The following AGPAT4 variants were observed in gnomAD, a reference collection of about 807,000 sequenced individuals.
AGPAT4 encodes the protein 1-acyl-sn-glycerol-3-phosphate acyltransferase delta.
Under a neutral mutation model 48.0 loss-of-function variants are expected in AGPAT4, and 15 were observed. The ratio of observed to expected loss-of-function variants is 0.31; its 90% CI spans 0.21 to 0.48. The LOEUF (loss-of-function observed/expected upper bound fraction) is 0.48, where lower values mean the gene tolerates loss of function less well. Among genes scored for constraint, AGPAT4 ranks in the 20% least tolerant of loss-of-function variants. The pLI is 0.99. For synonymous variants in AGPAT4, 178 were observed against 198.7 expected (o/e 0.90, Z 0.88); for missense variants, 314 against 482.5 (o/e 0.65, Z 3.27).
At position 161,219,611 on chromosome 6, in the gene AGPAT4, C is replaced by A. The variant is rs937951219; in HGVS notation, c.178+12425G>T. On this transcript the variant is annotated intron_variant, in intron 2 of 8. Transcript: ENST00000320285. This position sits in a 1 kb window ranked among gnomAD's most constrained non-coding sequence, Gnocchi z 4.9. ...CTTCCAAAAACAAATGGGCACTTTG[C>A]GAATTAATTTATTTATAAACCATAT... Among the ~76,000 whole-genome samples the A allele has an allele frequency of 1.3e-5, 2 of 152,012 alleles. No individual in the cohort carries two copies. The highest frequency in any genetic ancestry group is 1.5e-5 in the Non-Finnish European group (1 of 68,014).
intron 1 of AGPAT4, among the ~76,000 whole-genome samples, chr6:161,247,160 C>T (rs181775065): frequency 2.6e-5 from 4 of 152,202 alleles, no homozygotes; most frequent in Non-Finnish European, 5.9e-5. Flanking sequence ...AGGAGGAACT[C>T]AGATGTCGGT....
At position 161,143,802 on chromosome 6, in the gene AGPAT4, G is replaced by A. The variant is rs775506362; in HGVS notation, c.843+2722C>T. On this transcript the variant is annotated intron_variant, in intron 7 of 8. Coordinates refer to ENST00000320285, the MANE Select transcript of AGPAT4 (RefSeq NM_020133.3). This position sits in a 1 kb window ranked among gnomAD's most constrained non-coding sequence, Gnocchi z 4.7. Reference sequence around the variant, plus strand: ...TATAACTGTGTCAGTGGTAGATGGCGAGTTTCTCTTTATTTATGTCCATGC... The same window carrying A: ...TATAACTGTGTCAGTGGTAGATGGCAAGTTTCTCTTTATTTATGTCCATGC... 2.3e-4 allele frequency among the ~76,000 whole-genome samples: 35 copies of A among 152,172 alleles called. No homozygotes were observed. Among genetic ancestry groups the A allele is most frequent in the Non-Finnish European group, 4.6e-4 (31 of 68,046 alleles).
In AGPAT4 at chr6:161,267,722, CAA is replaced by C. The variant is rs113251358; in HGVS notation, c.-90+6214_-90+6215del. On this transcript the variant is annotated intron_variant, in intron 1 of 8. Coordinates refer to ENST00000320285, the MANE Select transcript of AGPAT4 (RefSeq NM_020133.3). The surrounding 1 kb of genome is among the most constrained non-coding windows in gnomAD (Gnocchi z 5.2). ...GGGCAACAAGAACAAAACTCTGTCTCAAAAAAAAAAAGAAAAGAAAAATATTA... is the reference window on the plus strand; with the variant it reads ...GGGCAACAAGAACAAAACTCTGTCTCAAAAAAAAAGAAAAGAAAAATATTA... Among the ~76,000 whole-genome samples the C allele has an allele frequency of 7.2e-6, 1 of 139,384 alleles. No individual in the cohort carries two copies. The allele number at this position is 139,384 out of a possible 152,430, so 91.4% of individuals were successfully genotyped here.
rs946778080 is a variant in AGPAT4, at chr6:161,233,708, C to T, written c.-89-1406G>A. ...TGTAGGCTAACGTAAATGTGCTGAA[C>T]ATGTTTAAGGCAGGCGAGGCTAAAC... On this transcript the variant is annotated intron_variant, in intron 1 of 8. Transcript: ENST00000320285. This position sits in a 1 kb window ranked among gnomAD's most constrained non-coding sequence, Gnocchi z 5.4. Among the ~76,000 whole-genome samples the T allele has an allele frequency of 6.6e-6, 1 of 152,216 alleles. No individual in the cohort carries two copies. The highest frequency in any genetic ancestry group is 1.5e-5 in the Non-Finnish European group (1 of 68,048).
In AGPAT4 at chr6:161,144,937, C is replaced by G. The variant is rs4616970; in HGVS notation, c.843+1587G>C. Among the ~76,000 whole-genome samples the G allele has an allele frequency of 0.17, 25,905 of 151,346 alleles. 3,007 individuals carry two copies. The highest frequency in any genetic ancestry group is 0.33 in the African/African-American group (13,582 of 40,868). On this transcript the variant is annotated intron_variant, in intron 7 of 8. Coordinates refer to ENST00000320285, the MANE Select transcript of AGPAT4 (RefSeq NM_020133.3). The surrounding 1 kb of genome is among the most constrained non-coding windows in gnomAD (Gnocchi z 6.6). ...CAGAGCTTGCAGTGAGCCGAGATCG[C>G]GCCACTGCACTCCAGCCTGGGAGAC...
intron 2 of AGPAT4, among the ~76,000 whole-genome samples, chr6:161,183,150 C>T (rs1273712960): frequency 1.3e-5 from 2 of 152,194 alleles, no homozygotes; most frequent in Non-Finnish European, 1.5e-5. Context: ...CATGAAGCCA[C>T]AACACCAAGT....
Position 161,214,849 on chromosome 6 carries a change from C to T in AGPAT4, c.178+17187G>A, listed in dbSNP as rs189224900. On this transcript the variant is annotated intron_variant, in intron 2 of 8. Transcript: ENST00000320285. The surrounding 1 kb of genome is among the most constrained non-coding windows in gnomAD (Gnocchi z 5.4). ...ACTGTATTACAATCTTAGCAGACACCGTTGTAAATGTGGTCTACTGCCTGA... is the reference window on the plus strand; with the variant it reads ...ACTGTATTACAATCTTAGCAGACACTGTTGTAAATGTGGTCTACTGCCTGA... Among the ~76,000 whole-genome samples the T allele has an allele frequency of 1.6e-3, 248 of 152,130 alleles. No homozygotes were observed. Among genetic ancestry groups the T allele is most frequent in the African/African-American group, 5.6e-3 (234 of 41,484 alleles).
At chr6:161,136,847 T>TG (rs1779083525) in intron 8 of AGPAT4, among the ~76,000 whole-genome samples, 1 of 152,172 alleles carries the variant, frequency 6.6e-6, no homozygotes. Flanking sequence ...GCTGCTCTGG[T>TG]GGGGGTTTTC....
intron 1 of AGPAT4, 69 bp downstream of exon 1, chr6:161,273,869 G>A (rs948354632): frequency 2.0e-5 from 3 of 151,064 alleles, no homozygotes; most frequent in Non-Finnish European, 2.9e-5. Flanking sequence ...AATATGCTGG[G>A]AAGAGGAATG....
At chr6:161,271,336 C>T (rs993288981) in intron 1 of AGPAT4, among the ~76,000 whole-genome samples, 1 of 152,202 alleles carries the variant, frequency 6.6e-6, no homozygotes, top group African/African-American at 2.4e-5. Flanking sequence ...CTCTAGTATT[C>T]TTCTCATACT....
At position 161,205,737 on chromosome 6, in the gene AGPAT4, CAATAAT is replaced by C. The variant is rs761976412; in HGVS notation, c.178+26293_178+26298del. On this transcript the variant is annotated intron_variant, in intron 2 of 8. Coordinates refer to ENST00000320285, the MANE Select transcript of AGPAT4 (RefSeq NM_020133.3). ...AAAAGCCACAGAAAGGTTGAAATTA[CAATAAT>C]AATAATAATAATAATAATAACAACA... Among the ~76,000 whole-genome samples, 252 of 145,718 alleles carry C rather than the reference CAATAAT, an allele frequency of 1.7e-3. 2 individuals are homozygous for C. The highest frequency in any genetic ancestry group is 3.5e-3 in the Middle Eastern group (1 of 286).
intron 2 of AGPAT4, among the ~76,000 whole-genome samples, chr6:161,175,071 TG>T (rs1780390798): frequency 6.6e-6 from 1 of 152,224 alleles, no homozygotes; most frequent in Admixed American, 6.5e-5. Flanking sequence ...GGAGAATTTT[TG>T]CATCGATGTT....
rs1368690735 is a variant in AGPAT4, at chr6:161,254,658, C to T, written c.-90+19280G>A. Among the ~76,000 whole-genome samples, 1 of 152,196 alleles carries T rather than the reference C, an allele frequency of 6.6e-6. No homozygotes were observed. The highest frequency in any genetic ancestry group is 2.4e-5 in the African/African-American group (1 of 41,432). On this transcript the variant is annotated intron_variant, in intron 1 of 8. Transcript: ENST00000320285. This position sits in a 1 kb window ranked among gnomAD's most constrained non-coding sequence, Gnocchi z 5.9. ...CCTCCAGCTTCCATTCCACTCAGTC[C>T]TTCTCATGGAAAGCAGCATGGGTTA... is the stretch of plus-strand genomic sequence containing the variant.
At chr6:161,250,507 A>G (rs577899735) in intron 1 of AGPAT4, among the ~76,000 whole-genome samples, 4 of 152,232 alleles carry the variant, frequency 2.6e-5, no homozygotes, top group African/African-American at 9.6e-5. Flanking sequence ...TAATTGCCTC[A>G]TTATTATATT....
chr6:161,263,863 A>G (rs1281464698), intron 1 of AGPAT4, among the ~76,000 whole-genome samples: 1 of 152,334 alleles, frequency 6.6e-6, no homozygotes, highest in East Asian at 1.9e-4. Flanking sequence ...AAATTTCAGG[A>G]AAGGCAAGAA....
chr6:161,195,499 A>T lies in AGPAT4; in HGVS notation c.179-29082T>A, dbSNP rs1472446723. On this transcript the variant is annotated intron_variant, in intron 2 of 8. Coordinates refer to ENST00000320285, the MANE Select transcript of AGPAT4 (RefSeq NM_020133.3). This position sits in a 1 kb window ranked among gnomAD's most constrained non-coding sequence, Gnocchi z 5.0. Reference sequence around the variant, plus strand: ...AGAATCAGAAGTTTGTACAGTAGCCAGAGATCTTTAAAAGCTCAAAGCGCT... The same window carrying T: ...AGAATCAGAAGTTTGTACAGTAGCCTGAGATCTTTAAAAGCTCAAAGCGCT... 1.9e-5 allele frequency among the ~76,000 whole-genome samples: 2 copies of T among 106,448 alleles called. No individual in the cohort carries two copies. Among genetic ancestry groups the T allele is most frequent in the African/African-American group, 1.5e-4 (2 of 13,116 alleles). The allele number at this position is 106,448 out of a possible 152,430, so 69.8% of individuals were successfully genotyped here.
At chr6:161,170,190 C>T (rs990212964) in intron 2 of AGPAT4, among the ~76,000 whole-genome samples, 10 of 152,086 alleles carry the variant, frequency 6.6e-5, no homozygotes, top group South Asian at 4.2e-4. Context: ...CCTTCCTGAC[C>T]GCCTGCCCTG....
rs901057452 is a variant in AGPAT4 at position 161,240,973 on chromosome 6, A to C, written c.-89-8671T>G. 1.3e-5 allele frequency among the ~76,000 whole-genome samples: 2 copies of C among 152,162 alleles called. No individual in the cohort carries two copies. Among genetic ancestry groups the C allele is most frequent in the Non-Finnish European group, 2.9e-5 (2 of 68,030 alleles). On this transcript the variant is annotated intron_variant, in intron 1 of 8. Transcript: ENST00000320285. This position sits in a 1 kb window ranked among gnomAD's most constrained non-coding sequence, Gnocchi z 5.5. ...GTAACATAGTCCTCAATTAAAAAATAATCATCATCGGCCAGGTGCAGCGGC... is the reference window on the plus strand; with the variant it reads ...GTAACATAGTCCTCAATTAAAAAATCATCATCATCGGCCAGGTGCAGCGGC...
Position 161,200,153 on chromosome 6 carries a change from A to G in AGPAT4, c.178+31883T>C, listed in dbSNP as rs1781185572. ...ATGAGGACAGACAGCAAAAGGAAAA[A>G]CTAGAAATTCTGTGTTCACCCTTCA... On this transcript the variant is annotated intron_variant, in intron 2 of 8. Coordinates refer to ENST00000320285, the MANE Select transcript of AGPAT4 (RefSeq NM_020133.3). The surrounding 1 kb of genome is among the most constrained non-coding windows in gnomAD (Gnocchi z 5.5). Among the ~76,000 whole-genome samples, 2 of 152,204 alleles carry G rather than the reference A, an allele frequency of 1.3e-5. No individual in the cohort carries two copies. Among genetic ancestry groups the G allele is most frequent in the Non-Finnish European group, 2.9e-5 (2 of 68,032 alleles).
Sources: gnomAD v4.1 joint callset for allele counts (sites outside exome capture counted in the v4.1 genomes callset) on GRCh38, gnomAD v4.1.1 for gene constraint, Gnocchi (gnomAD v3.1) non-coding constraint, MANE v1.5 for transcripts, NCBI Gene and HGNC (gene_info 2026-07-23, HGNC 2026-07-21) for gene names.